Variants in DNAJC2 observed in about 807,000 individuals in gnomAD.
DNAJC2 encodes the protein DnaJ heat shock protein family (Hsp40) member C2, also known as dnaJ homolog subfamily C member 2.
DNAJC2 carries 32 observed loss-of-function variants against 94.0 expected under a neutral mutation model. The ratio of observed to expected loss-of-function variants is 0.34; its 90% CI spans 0.26 to 0.46. The LOEUF (loss-of-function observed/expected upper bound fraction) is 0.46, where lower values mean the gene tolerates loss of function less well. Among genes scored for constraint, DNAJC2 ranks in the 20% least tolerant of loss-of-function variants. The pLI is 1.00. For synonymous variants in DNAJC2, 210 were observed against 229.7 expected (o/e 0.91, Z 0.77); for missense variants, 550 against 719.5 (o/e 0.76, Z 2.69).
chr7:103,334,119 A>T (rs1819076207), intron 3 of DNAJC2, among the ~76,000 whole-genome samples: 1 of 151,856 alleles, frequency 6.6e-6, no homozygotes, highest in Non-Finnish European at 1.5e-5. Flanking sequence ...CCCAGCTGAT[A>T]TTTTTGTATT....
intron 12 of DNAJC2, among the ~76,000 whole-genome samples, chr7:103,317,824 T>C (rs1156357396): frequency 6.6e-6 from 1 of 152,166 alleles, no homozygotes; most frequent in East Asian, 1.9e-4. Context: ...CTAATTTTTG[T>C]ATTTTTAGCA....
intron 3 of DNAJC2, chr7:103,329,209 T>C (rs1818863242): frequency 3.2e-5 from 9 of 281,212 alleles, no homozygotes; most frequent in South Asian, 2.9e-4. Flanking sequence ...GCAGTTGACA[T>C]GTGCCAGGCC....
At chr7:103,339,656 C>T (rs1287265400) in intron 2 of DNAJC2, among the ~76,000 whole-genome samples, 5 of 151,460 alleles carry the variant, frequency 3.3e-5, no homozygotes, top group Non-Finnish European at 7.4e-5. Flanking sequence ...GGCTGGAGTG[C>T]AGTGGCACGA....
chr7:103,321,151 T>C (rs910371676), intron 10 of DNAJC2, among the ~76,000 whole-genome samples: 1 of 152,008 alleles, frequency 6.6e-6, no homozygotes, highest in Non-Finnish European at 1.5e-5. Flanking sequence ...TGAGCCGAGA[T>C]GGCGCCACTG....
intron 3 of DNAJC2, among the ~76,000 whole-genome samples, chr7:103,334,655 C>G (rs1051416733): frequency 2.0e-5 from 3 of 151,648 alleles, no homozygotes; most frequent in Admixed American, 1.3e-4. Context: ...GCTATGTTGT[C>G]CAGGTTGGTC....
In DNAJC2 at chr7:103,312,417, G is replaced by T. The variant is rs1817795288; in HGVS notation, c.*152C>A. ...GGATAAAAAGACTACCCCTCTGAAG[G>T]TTGTTTTGTATTAATGGTCAGTCTT... On this transcript the variant is annotated 3_prime_UTR_variant, in exon 17 of 17. Coordinates refer to ENST00000379263, the MANE Select transcript of DNAJC2 (RefSeq NM_014377.3). The T allele has an allele frequency of 4.6e-6, 7 of 1,509,078 alleles. No homozygotes were observed. The South Asian group carries it at 9.2e-5, about 20-fold the overall frequency. 93.5% of individuals were successfully genotyped at this position (1,509,078 alleles called of 1,614,324 possible). A position where few individuals can be genotyped will look rare whatever the true frequency, so the allele number is the denominator to read the frequency against.
At chr7:103,320,824 G>A in intron 10 of DNAJC2, 1 of 175,224 alleles carries the variant, frequency 5.7e-6, no homozygotes, top group Non-Finnish European at 1.1e-5. Flanking sequence ...AGTTATCTCA[G>A]CATGTCTTTT....
intron 3 of DNAJC2, chr7:103,337,447 G>C (rs1390001189): frequency 3.6e-6 from 1 of 280,286 alleles, no homozygotes; most frequent in African/African-American, 2.2e-5. Flanking sequence ...AAAGAGAGGT[G>C]AAGTATTATT....
Position 103,327,659 on chromosome 7 carries a change from T to C in DNAJC2, c.427A>G (p.Lys143Glu). 6.3e-7 allele frequency: 1 copy of C among 1,587,056 alleles called. No homozygotes were observed. Among genetic ancestry groups the C allele is most frequent in the Admixed American group, 1.7e-5 (1 of 58,082 alleles). ...TGACTCTAAAGCATTTTCTTACCTT[T>C]AGTTATGCAAGTGAAGTAGTCATTA... ...GDNDYFTCITKAYEMLSDPVK... is the reference protein window; with the variant it reads ...GDNDYFTCITEAYEMLSDPVK... The change falls in exon 4 of 17, where the codon AAA (lysine) becomes GAA (glutamate). Residue 143 changes from lysine to glutamate, a missense_variant. Around this residue, in one of 2 missense-constraint regions of DNAJC2, gnomAD observed 279 missense variants for 416.9 expected, o/e 0.67. Transcript: ENST00000379263.
chr7:103,314,570 T>C lies in DNAJC2; in HGVS notation c.1636+1194A>G, dbSNP rs889052232. On this transcript the variant is annotated intron_variant, in intron 15 of 16. Transcript: ENST00000379263. ...TAGTGTGCTAATACCTGTTGTATTT[T>C]GTGGAGATAAAGGTGCAGGAGAATA... 3.0e-6 allele frequency: 3 copies of C among 985,262 alleles called. No homozygotes were observed. The African/African-American group carries it at 5.2e-5, about 17-fold the overall frequency. 61.0% of individuals were successfully genotyped at this position (985,262 alleles called of 1,614,324 possible). A position where few individuals can be genotyped will look rare whatever the true frequency, so the allele number is the denominator to read the frequency against.
chr7:103,316,608 C>A lies in DNAJC2; in HGVS notation c.1427+222G>T, dbSNP rs140107502. 688 of 482,106 alleles carry A rather than the reference C, an allele frequency of 1.4e-3. 4 individuals are homozygous for A. The highest frequency in any genetic ancestry group is 0.013 in the African/African-American group (663 of 50,294). The allele number at this position is 482,106 out of a possible 1,614,324, so 29.9% of individuals were successfully genotyped here. Reference sequence around the variant, plus strand: ...AGACTTGTCTCATGATCTTCAATTTCCTGAGAAACAAGTATTCTGTCATAT... The same window carrying A: ...AGACTTGTCTCATGATCTTCAATTTACTGAGAAACAAGTATTCTGTCATAT... On this transcript the variant is annotated intron_variant, in intron 13 of 16. Transcript: ENST00000379263.
At position 103,322,193 on chromosome 7, in the gene DNAJC2, T is replaced by C. The variant is rs959257494; in HGVS notation, c.934-112A>G. The C allele has an allele frequency of 1.5e-5, 12 of 824,344 alleles. No individual in the cohort carries two copies. In the African/African-American group the frequency reaches 2.1e-4, roughly 14 times the overall value. 51.1% of individuals were successfully genotyped at this position (824,344 alleles called of 1,614,324 possible). A position where few individuals can be genotyped will look rare whatever the true frequency, so the allele number is the denominator to read the frequency against. On this transcript the variant is annotated intron_variant, in intron 9 of 16. Coordinates refer to ENST00000379263, the MANE Select transcript of DNAJC2 (RefSeq NM_014377.3). ...AATTATATTAGGAAAAAAGGCAACA[T>C]AAACTTATTGAAAACTGAAGGATGA...
intron 7 of DNAJC2, 47 bp from the exon 8 acceptor site, chr7:103,322,841 A>T (rs1463689950): frequency 7.1e-7 from 1 of 1,407,738 alleles, no homozygotes; most frequent in Admixed American, 1.8e-5. Context: ...TATAGATGCT[A>T]TGACTGGAAA....
chr7:103,314,150 T>G, intron 15 of DNAJC2: 1 of 985,452 alleles, frequency 1.0e-6, no homozygotes, highest in Non-Finnish European at 1.2e-6. Flanking sequence ...TTCTAGGAAG[T>G]CTTTTGTTGA....
intron 1 of DNAJC2, among the ~76,000 whole-genome samples, chr7:103,342,970 C>CA (rs1312726930): frequency 6.6e-6 from 1 of 151,574 alleles, no homozygotes; most frequent in African/African-American, 2.4e-5. Context: ...CTAGCCTCAC[C>CA]AAAAATAAAA....
At chr7:103,320,887 T>C (rs1013463622) in intron 10 of DNAJC2, 2 of 165,288 alleles carry the variant, frequency 1.2e-5, no homozygotes, top group Non-Finnish European at 2.5e-5. Context: ...TACATTTGCA[T>C]AGTAAAGAAA....
intron 3 of DNAJC2, among the ~76,000 whole-genome samples, chr7:103,331,427 C>T (rs888196631): frequency 1.3e-5 from 2 of 152,138 alleles, no homozygotes; most frequent in Admixed American, 6.5e-5. Context: ...CTATCATCAC[C>T]CTACTCTGCT....
At chr7:103,322,276 CAT>C (rs1476776069) in intron 9 of DNAJC2, among the ~76,000 whole-genome samples, 195 bp from the exon 10 acceptor site, 2 of 152,070 alleles carry the variant, frequency 1.3e-5, no homozygotes, top group South Asian at 2.1e-4. Flanking sequence ...GTAAAATTGA[CAT>C]ATTAGAAATA....
In DNAJC2 at chr7:103,322,578, G is replaced by T; in HGVS notation, c.866C>A (p.Ala289Asp). The stretch of plus-strand genomic sequence containing the variant: ...TGCTTTCTTTTCTGCTTCTTTCTTG[G>T]CTTTTTCTTCTTCCTTGAACTTTTT... ...RIKKFKEEEK[A>D]KKEAEKKAKA... is the part of the protein sequence containing the mutation. Residue 289 changes from alanine (A) to aspartate (D), a missense_variant, in exon 9 of 17, where the codon GCC (alanine) becomes GAC (aspartate). Ala to Asp is a moderately radical substitution (Grantham distance 126). Coordinates refer to ENST00000379263, the MANE Select transcript of DNAJC2 (RefSeq NM_014377.3). The T allele has an allele frequency of 6.2e-7, 1 of 1,604,422 alleles. No individual in the cohort carries two copies. The highest frequency in any genetic ancestry group is 8.5e-7 in the Non-Finnish European group (1 of 1,172,942).
Sources: gnomAD v4.1 joint callset for allele counts (sites outside exome capture counted in the v4.1 genomes callset) on GRCh38, gnomAD v4.1.1 for gene constraint, gnomAD v4.1.1 regional missense constraint, MANE v1.5 for transcripts, NCBI Gene and HGNC (gene_info 2026-07-23, HGNC 2026-07-21) for gene names.